The following JAM2 variants were observed in gnomAD, a reference collection of about 807,000 sequenced individuals.
The protein encoded by JAM2 is junctional adhesion molecule B.
In JAM2, 17 loss-of-function variants were observed where a neutral mutation model predicts 42.0. The ratio of observed to expected loss-of-function variants is 0.40; its 90% CI spans 0.28 to 0.61. The LOEUF is 0.61. Among genes scored for constraint, JAM2 ranks in the 20% least tolerant of loss-of-function variants. JAM2 has a pLI of 0.37. For synonymous variants in JAM2, 118 were observed against 128.6 expected (o/e 0.92, Z 0.56); for missense variants, 319 against 358.3 (o/e 0.89, Z 0.89).
Position 25,709,503 on chromosome 21 carries a change from A to G in JAM2, c.821+54A>G, listed in dbSNP as rs534182952. On this transcript the variant is annotated intron_variant, in intron 8 of 9. Transcript: ENST00000480456. ...TTTCTCCTATGTCAACTAATTTTCT[A>G]TTAATCATCTGTTTAAAGTCAAAAG... 19 of 1,181,162 alleles carry G rather than the reference A, an allele frequency of 1.6e-5. No individual in the cohort carries two copies. In the South Asian group the frequency reaches 2.3e-4, roughly 14 times the overall value. 73.2% of individuals were successfully genotyped at this position (1,181,162 alleles called of 1,614,324 possible).
intron 2 of JAM2, among the ~76,000 whole-genome samples, chr21:25,687,536 T>C (rs2033776438): frequency 1.3e-5 from 2 of 152,232 alleles, no homozygotes; most frequent in South Asian, 4.1e-4. Flanking sequence ...TTCATTTACT[T>C]CCTTATCCTC....
At chr21:25,661,288 T>C (rs2033082298) in intron 1 of JAM2, among the ~76,000 whole-genome samples, 1 of 151,988 alleles carries the variant, frequency 6.6e-6, no homozygotes, top group African/African-American at 2.4e-5. Flanking sequence ...AGATTCCATC[T>C]CTATGAGAGT....
At chr21:25,653,246 T>A (rs150236231) in intron 1 of JAM2, among the ~76,000 whole-genome samples, 2 of 152,290 alleles carry the variant, frequency 1.3e-5, no homozygotes, top group East Asian at 3.9e-4. Context: ...TAAACTATTC[T>A]ACAACCCCTT....
intron 1 of JAM2, among the ~76,000 whole-genome samples, chr21:25,681,367 C>T (rs1039288564): frequency 1.3e-5 from 2 of 152,134 alleles, no homozygotes; most frequent in Admixed American, 1.3e-4. Context: ...AACTTACAAT[C>T]GTGGCAGAAG....
In JAM2 at chr21:25,702,246, G is replaced by GTCC. The variant is rs1303648375; in HGVS notation, c.676_678dup (p.Pro226dup). On this transcript the variant is annotated inframe_insertion, in exon 6 of 10. Transcript: ENST00000480456. ...CGCAATTCTGTTGGATATCGCAGGT[G>GTCC]TCCTGGGAAACGAATGCAAGTAGGT... The GTCC allele has an allele frequency of 6.3e-7, 1 of 1,596,048 alleles. No homozygotes were observed. Among genetic ancestry groups the GTCC allele is most frequent in the Non-Finnish European group, 8.6e-7 (1 of 1,166,380 alleles).
chr21:25,689,183 A>G (rs183145608), intron 2 of JAM2, among the ~76,000 whole-genome samples: 1 of 152,350 alleles, frequency 6.6e-6, no homozygotes, highest in African/African-American at 2.4e-5. Context: ...ATACTTTAAT[A>G]ATTATCTGGA....
chr21:25,661,789 C>A (rs1399703354), intron 1 of JAM2, among the ~76,000 whole-genome samples: 1 of 152,072 alleles, frequency 6.6e-6, no homozygotes, highest in East Asian at 1.9e-4. Context: ...CATCACTGCA[C>A]TAAATTCTTA....
chr21:25,679,418 A>C (rs1301268475), intron 1 of JAM2, among the ~76,000 whole-genome samples: 1 of 152,216 alleles, frequency 6.6e-6, no homozygotes. Flanking sequence ...GTCTAGAGCA[A>C]TGGTTCTCAA....
At chr21:25,682,624 C>G (rs1294199832) in intron 1 of JAM2, among the ~76,000 whole-genome samples, 1 of 152,222 alleles carries the variant, frequency 6.6e-6, no homozygotes, top group South Asian at 2.1e-4. Context: ...TGAGTGTTAA[C>G]CAGCTAAACG....
At chr21:25,642,140 T>TC (rs2032464151) in intron 1 of JAM2, among the ~76,000 whole-genome samples, 1 of 152,058 alleles carries the variant, frequency 6.6e-6, no homozygotes, top group South Asian at 2.1e-4. Context: ...CTCCACAGAT[T>TC]ACCTACCCTT....
At position 25,716,613 on chromosome 21, in the gene JAM2, C is replaced by A. The variant is rs1177049212; in HGVS notation, c.*1941C>A. The A allele has an allele frequency of 1.3e-5, 2 of 152,224 alleles. No individual in the cohort carries two copies. The highest frequency in any genetic ancestry group is 3.8e-4 in the East Asian group (2 of 5,200). The allele number at this position is 152,224 out of a possible 1,614,324, so 9.4% of individuals were successfully genotyped here. A position where few individuals can be genotyped will look rare whatever the true frequency, so the allele number is the denominator to read the frequency against. On this transcript the variant is annotated 3_prime_UTR_variant, in exon 10 of 10. Coordinates refer to ENST00000480456, the MANE Select transcript of JAM2 (RefSeq NM_021219.4). ...TAAGTCATAAGGTCCCTGTTAACAA[C>A]TACTTGACTCTGCCATTGTAGCACA... is the stretch of plus-strand genomic sequence containing the variant.
intron 9 of JAM2, chr21:25,714,313 T>G (rs1193233337): frequency 1.3e-6 from 1 of 758,492 alleles, no homozygotes; most frequent in Non-Finnish European, 1.9e-6. Context: ...TAGACCAGTC[T>G]GGCCAATATG....
intron 9 of JAM2, chr21:25,714,430 G>A (rs926088115): frequency 6.6e-5 from 31 of 471,788 alleles, no homozygotes; most frequent in African/African-American, 2.9e-4. Flanking sequence ...CCCGGGAGGC[G>A]GAGGTTGCAG....
intron 7 of JAM2, among the ~76,000 whole-genome samples, chr21:25,709,019 TTTACAATC>T (rs1568920654): frequency 6.6e-6 from 1 of 152,068 alleles, no homozygotes; most frequent in African/African-American, 2.4e-5. Context: ...CAGATGAACA[TTTACAATC>T]TATTTGATGA....
At chr21:25,682,637 C>G (rs1277546427) in intron 1 of JAM2, among the ~76,000 whole-genome samples, 1 of 152,224 alleles carries the variant, frequency 6.6e-6, no homozygotes, top group Non-Finnish European at 1.5e-5. Context: ...GCTAAACGGA[C>G]CCTCTGCCTT....
At chr21:25,640,072 G>A (rs562591353) in intron 1 of JAM2, among the ~76,000 whole-genome samples, 184 bp downstream of exon 1, 1 of 152,364 alleles carries the variant, frequency 6.6e-6, no homozygotes, top group East Asian at 1.9e-4. Flanking sequence ...CTGGGAGCAA[G>A]GGAGCGCGAG....
intron 1 of JAM2, among the ~76,000 whole-genome samples, chr21:25,653,330 T>C (rs2032834226): frequency 6.6e-6 from 1 of 152,188 alleles, no homozygotes; most frequent in Non-Finnish European, 1.5e-5. Flanking sequence ...TAGGAAACTT[T>C]GGAGGGACAC....
intron 6 of JAM2, among the ~76,000 whole-genome samples, chr21:25,702,504 G>GT (rs1489583063): frequency 1.3e-5 from 2 of 152,114 alleles, no homozygotes; most frequent in East Asian, 1.9e-4. Flanking sequence ...ACTTTTTTTA[G>GT]TTTTTTAAAT....
chr21:25,650,553 A>G (rs1261390185), intron 1 of JAM2, among the ~76,000 whole-genome samples: 2 of 152,230 alleles, frequency 1.3e-5, no homozygotes, highest in African/African-American at 4.8e-5. Flanking sequence ...TTTTTATATT[A>G]CATATCCTAC....
Sources: gnomAD v4.1 joint callset for allele counts (sites outside exome capture counted in the v4.1 genomes callset) on GRCh38, gnomAD v4.1.1 for gene constraint, MANE v1.5 for transcripts, NCBI Gene and HGNC (gene_info 2026-07-23, HGNC 2026-07-21) for gene names.